Variants in SRP68 observed in about 807,000 individuals in gnomAD.
The protein encoded by SRP68 is signal recognition particle subunit SRP68.
In SRP68, 15 loss-of-function variants were observed where a neutral mutation model predicts 82.2. The observed-to-expected ratio is 0.18, with a 90% CI of 0.12 to 0.28. The LOEUF (loss-of-function observed/expected upper bound fraction) is 0.28, where lower values mean the gene tolerates loss of function less well. Ranked by LOEUF, SRP68 falls within the 10% of genes least tolerant of loss-of-function variation. The probability of loss-of-function intolerance (pLI) is 1.00; values close to 1 mark genes in which losing one functional copy is unlikely to be tolerated. For missense variants in SRP68, 595 were observed against 780.5 expected (o/e 0.76, Z 2.83); for synonymous variants, 261 against 292.6 (o/e 0.89, Z 1.10).
At position 76,071,885 on chromosome 17, in the gene SRP68, G is replaced by C. The variant is rs926936851; in HGVS notation, c.184+423C>G. On this transcript the variant is annotated intron_variant, in intron 1 of 15. Coordinates refer to ENST00000307877, the MANE Select transcript of SRP68 (RefSeq NM_014230.4). The surrounding 1 kb of genome is among the most constrained non-coding windows in gnomAD (Gnocchi z 4.7). ...TCTTTACCTCCACTTTCAAAGTATC[G>C]AGCTGTAGGTTTTACTACTCAGTCT... is the stretch of plus-strand genomic sequence containing the variant. The C allele has an allele frequency of 5.1e-6, 1 of 196,558 alleles. No individual in the cohort carries two copies. Among genetic ancestry groups the C allele is most frequent in the Non-Finnish European group, 1.0e-5 (1 of 98,776 alleles). The allele number at this position is 196,558 out of a possible 1,614,324, so 12.2% of individuals were successfully genotyped here. A position where few individuals can be genotyped will look rare whatever the true frequency, so the allele number is the denominator to read the frequency against.
intron 4 of SRP68, among the ~76,000 whole-genome samples, chr17:76,062,709 TACA>T (rs2066771007): frequency 1.4e-5 from 1 of 71,484 alleles, no homozygotes; most frequent in African/African-American, 8.9e-5. Flanking sequence ...TTGTATATTA[TACA>T]ATATATTATA....
rs1178949036 is a variant in SRP68, at chr17:76,039,679, C to CT, written c.*26dup. 1.9e-6 allele frequency: 3 copies of CT among 1,599,048 alleles called. No homozygotes were observed. The highest frequency in any genetic ancestry group is 2.6e-6 in the Non-Finnish European group (3 of 1,167,326). On this transcript the variant is annotated 3_prime_UTR_variant, in exon 16 of 16. Transcript: ENST00000307877. Reference sequence around the variant, plus strand: ...CACAATACAGATTAAGAGTCAGAATCTCCCCCGCCCCCGAGGAAGAGCCTG... The same window carrying CT: ...CACAATACAGATTAAGAGTCAGAATCTTCCCCCGCCCCCGAGGAAGAGCCTG...
chr17:76,041,198 T>C (rs1052608106), intron 13 of SRP68: 16 of 458,672 alleles, frequency 3.5e-5, no homozygotes, highest in Non-Finnish European at 3.9e-5. Context: ...GAAATAAAGA[T>C]GATGTTAATA....
Position 76,039,617 on chromosome 17 carries a change from C to T in SRP68, c.*89G>A, listed in dbSNP as rs909360933. ...AACTCTTGCCCCGGGCCAATGCAGA[C>T]CTGGATTTAATATCATGGAACTTGC... On this transcript the variant is annotated 3_prime_UTR_variant, in exon 16 of 16. Coordinates refer to ENST00000307877, the MANE Select transcript of SRP68 (RefSeq NM_014230.4). The T allele has an allele frequency of 1.9e-5, 25 of 1,331,642 alleles. No homozygotes were observed. Among genetic ancestry groups the T allele is most frequent in the Non-Finnish European group, 2.6e-5 (25 of 956,020 alleles). 82.5% of individuals were successfully genotyped at this position (1,331,642 alleles called of 1,614,324 possible).
Position 76,062,610 on chromosome 17 carries a change from ATATAATATATAATATACATTATATAT to A in SRP68, c.562-1062_562-1037del, listed in dbSNP as rs1246967977. On this transcript the variant is annotated intron_variant, in intron 4 of 15. Coordinates refer to ENST00000307877, the MANE Select transcript of SRP68 (RefSeq NM_014230.4). ...TAATATATAATATACATTATATATT[ATATAATATATAATATACATTATATAT>A]TATATAATATACATTATATATTATA... 2.0e-4 allele frequency among the ~76,000 whole-genome samples: 10 copies of A among 50,640 alleles called. No homozygotes were observed. In the East Asian group the frequency reaches 2.8e-3, roughly 14 times the overall value. 33.2% of individuals were successfully genotyped at this position (50,640 alleles called of 152,430 possible).
At chr17:76,053,437 ACTTCGTCTTACCAG>A in intron 8 of SRP68, 1 of 985,292 alleles carries the variant, frequency 1.0e-6, no homozygotes, top group Admixed American at 6.1e-5. Flanking sequence ...AAAAGAGCGA[ACTTCGTCTTACCAG>A]CTACACAGGA....
intron 4 of SRP68, among the ~76,000 whole-genome samples, chr17:76,062,559 TTA>T (rs1433375134): frequency 8.0e-5 from 5 of 62,776 alleles, no homozygotes; most frequent in Non-Finnish European, 1.3e-4. Flanking sequence ...ATAATATACA[TTA>T]TATATTATAT....
intron 2 of SRP68, among the ~76,000 whole-genome samples, chr17:76,069,040 C>G (rs762865622): frequency 6.7e-6 from 1 of 150,054 alleles, no homozygotes; most frequent in Non-Finnish European, 1.5e-5. Context: ...ATTGCACCAA[C>G]CTTTAAGTCA....
intron 3 of SRP68, among the ~76,000 whole-genome samples, chr17:76,066,508 T>C (rs914781463): frequency 6.6e-6 from 1 of 151,742 alleles, no homozygotes; most frequent in Non-Finnish European, 1.5e-5. Flanking sequence ...TATTGATATA[T>C]GCATCTAGTT....
At position 76,039,241 on chromosome 17, in the gene SRP68, C is replaced by T. The variant is rs1444284793; in HGVS notation, c.*465G>A. 1 of 433,992 alleles carries T rather than the reference C, an allele frequency of 2.3e-6. No homozygotes were observed. The highest frequency in any genetic ancestry group is 4.7e-6 in the Non-Finnish European group (1 of 212,746). The allele number at this position is 433,992 out of a possible 1,614,324, so 26.9% of individuals were successfully genotyped here. ...GGAGGTGAAGGGGAATAAGGCTGAC[C>T]GTAATTCTGGGGTGACGTTGCCAGT... is the stretch of plus-strand genomic sequence containing the variant. On this transcript the variant is annotated 3_prime_UTR_variant, in exon 16 of 16. Coordinates refer to ENST00000307877, the MANE Select transcript of SRP68 (RefSeq NM_014230.4).
At chr17:76,052,803 CAA>C (rs1235799698) in intron 8 of SRP68, among the ~76,000 whole-genome samples, 231 of 76,252 alleles carry the variant, frequency 3.0e-3, no homozygotes, top group African/African-American at 0.011. Flanking sequence ...GACTCCATCT[CAA>C]AAAAAAAAAA....
chr17:76,060,136 AAAAAAAAAAAAAAAG>A (rs1309691649), intron 7 of SRP68, among the ~76,000 whole-genome samples, 157 bp downstream of exon 7: 1 of 149,854 alleles, frequency 6.7e-6, no homozygotes, highest in Non-Finnish European at 1.5e-5. Flanking sequence ...AAAAAAAAAA[AAAAAAAAAAAAAAAG>A]AAAAAGTTTT....
intron 7 of SRP68, among the ~76,000 whole-genome samples, 183 bp downstream of exon 7, chr17:76,060,125 C>CAAAAAAAAAA (rs1168111688): frequency 3.8e-4 from 11 of 28,782 alleles, no homozygotes; most frequent in African/African-American, 6.2e-4. Flanking sequence ...GACTCCATCT[C>CAAAAAAAAAA]AAAAAAAAAA....
At position 76,039,558 on chromosome 17, in the gene SRP68, C is replaced by A; in HGVS notation, c.*148G>T. 3.9e-6 allele frequency: 3 copies of A among 764,896 alleles called. No individual in the cohort carries two copies. The East Asian group carries it at 8.1e-5, about 21-fold the overall frequency. The allele number at this position is 764,896 out of a possible 1,614,324, so 47.4% of individuals were successfully genotyped here. On this transcript the variant is annotated 3_prime_UTR_variant, in exon 16 of 16. Transcript: ENST00000307877. ...CACGCTGCTTAAGAACGTGTACAGA[C>A]ACAAGATGTAGGAATGCAGGGCCGA... is the stretch of plus-strand genomic sequence containing the variant.
At position 76,047,940 on chromosome 17, in the gene SRP68, G is replaced by T; in HGVS notation, c.1108C>A (p.Pro370Thr). The change falls in exon 10 of 16, where the codon CCA becomes ACA. Residue 370 changes from proline to threonine, a missense_variant. Physicochemically the swap from Pro to Thr is conservative, Grantham distance 38 (BLOSUM62 -1). Coordinates refer to ENST00000307877, the MANE Select transcript of SRP68 (RefSeq NM_014230.4). Reference protein sequence around the residue: ...KQRDYILEGEPGKVSNLQYLH... With the variant: ...KQRDYILEGETGKVSNLQYLH... ...TATTGAAGATTAGACACCTTCCCTG[G>T]CTCTCCTTCAAGGATATAATCTCTC... 1 of 1,576,402 alleles carries T rather than the reference G, an allele frequency of 6.3e-7. No individual in the cohort carries two copies. Among genetic ancestry groups the T allele is most frequent in the Non-Finnish European group, 8.6e-7 (1 of 1,158,508 alleles).
At position 76,046,046 on chromosome 17, in the gene SRP68, T is replaced by C. The variant is rs1479184154; in HGVS notation, c.1291A>G (p.Ile431Val). ...CGGTCCTCAAGGGTCACCTGTAAGA[T>C]GATGTCATAGAGTCGGATCAGGTCC... is the stretch of plus-strand genomic sequence containing the variant. ...PQDLIRLYDI[I>V]LQNLVELLQL... Residue 431 changes from isoleucine to valine, a missense_variant, in exon 11 of 16, where the codon ATC becomes GTC. Transcript: ENST00000307877. The C allele has an allele frequency of 6.2e-7, 1 of 1,613,764 alleles. No homozygotes were observed. Among genetic ancestry groups the C allele is most frequent in the Non-Finnish European group, 8.5e-7 (1 of 1,179,880 alleles).
chr17:76,059,677 T>C (rs1191964962), intron 7 of SRP68, among the ~76,000 whole-genome samples: 2 of 151,442 alleles, frequency 1.3e-5, no homozygotes, highest in African/African-American at 2.4e-5. Flanking sequence ...CCGAGAACAG[T>C]GGCTCATGCC....
At chr17:76,043,269 A>C (rs1369474708) in intron 13 of SRP68, 1 of 152,062 alleles carries the variant, frequency 6.6e-6, no homozygotes, top group Non-Finnish European at 1.5e-5. Context: ...TGTCTCAAGA[A>C]AGACAGAAAG....
chr17:76,068,159 C>T (rs999468025), intron 2 of SRP68, among the ~76,000 whole-genome samples: 2 of 152,108 alleles, frequency 1.3e-5, no homozygotes, highest in African/African-American at 2.4e-5. Context: ...GTTGTGGTGG[C>T]ACATGCCTGT....
Sources: allele counts gnomAD v4.1 joint callset (sites outside exome capture counted in the v4.1 genomes callset), GRCh38; gene constraint gnomAD v4.1.1; non-coding constraint Gnocchi (gnomAD v3.1); transcripts MANE v1.5; gene names NCBI Gene and HGNC (gene_info 2026-07-23, HGNC 2026-07-21).